The following SCAPER variants were observed in gnomAD, a reference collection of about 807,000 sequenced individuals.
SCAPER encodes S-phase cyclin A associated protein in the ER, also known as S phase cyclin A-associated protein in the endoplasmic reticulum.
SCAPER carries 98 observed loss-of-function variants against 182.2 expected under a neutral mutation model. The ratio of observed to expected loss-of-function variants is 0.54; its 90% CI spans 0.46 to 0.64. SCAPER has a LOEUF of 0.64. Ranked by LOEUF, SCAPER falls within the 30% of genes least tolerant of loss-of-function variation. SCAPER has a pLI of 0.00. For synonymous variants in SCAPER, 605 were observed against 564.6 expected, an observed-to-expected ratio of 1.07 and a Z score of -1.01; for missense variants, 1,432 against 1,690.0, an observed-to-expected ratio of 0.85 and a Z score of 2.68.
intron 26 of SCAPER, among the ~76,000 whole-genome samples, chr15:76,430,308 A>T (rs1176497218): frequency 1.3e-5 from 2 of 152,190 alleles, no homozygotes; most frequent in African/African-American, 4.8e-5. Flanking sequence ...CGCATAGTGG[A>T]GCTGTGAGAA....
chr15:76,563,079 G>T (rs2046767607), intron 23 of SCAPER, among the ~76,000 whole-genome samples: 2 of 152,088 alleles, frequency 1.3e-5, no homozygotes, highest in Admixed American at 6.6e-5. Flanking sequence ...AAAGGAAGTC[G>T]CTTCTTAAAA....
At chr15:76,423,273 A>G (rs978784181) in intron 26 of SCAPER, among the ~76,000 whole-genome samples, 2 of 152,154 alleles carry the variant, frequency 1.3e-5, no homozygotes, top group Admixed American at 1.3e-4. Context: ...TTCGTAGGCT[A>G]TTAATTATTG....
intron 27 of SCAPER, among the ~76,000 whole-genome samples, chr15:76,399,362 T>G (rs1383905119): frequency 6.6e-6 from 1 of 152,126 alleles, no homozygotes; most frequent in Non-Finnish European, 1.5e-5. Flanking sequence ...CGTCTTGAAC[T>G]TCTGACCTCA....
intron 23 of SCAPER, among the ~76,000 whole-genome samples, chr15:76,510,867 G>A (rs1427635273): frequency 5.2e-5 from 2 of 38,526 alleles, no homozygotes; most frequent in African/African-American, 4.5e-4. Flanking sequence ...GTGCGCGCGT[G>A]TGTGTGTGTG....
chr15:76,806,390 A>G (rs1276393663), intron 5 of SCAPER, among the ~76,000 whole-genome samples: 1 of 152,188 alleles, frequency 6.6e-6, no homozygotes, highest in Admixed American at 6.5e-5. Flanking sequence ...AATCTATTTC[A>G]TTGATCCATA....
At chr15:76,865,165 A>T (rs1599173140) in intron 2 of SCAPER, among the ~76,000 whole-genome samples, 1 of 152,146 alleles carries the variant, frequency 6.6e-6, no homozygotes, top group African/African-American at 2.4e-5. Flanking sequence ...TATAAGCCCA[A>T]TTCTCCCAGA....
chr15:76,484,606 TGAG>T (rs2051437995), intron 24 of SCAPER, among the ~76,000 whole-genome samples: 2 of 151,854 alleles, frequency 1.3e-5, no homozygotes. Flanking sequence ...TCCAAAAAAT[TGAG>T]GAGGAGAGAC....
chr15:76,417,403 A>G (rs2045726966), intron 26 of SCAPER, among the ~76,000 whole-genome samples: 1 of 152,222 alleles, frequency 6.6e-6, no homozygotes, highest in Non-Finnish European at 1.5e-5. Context: ...ATAGCAATGG[A>G]GTGAGGGTGA....
chr15:76,379,008 C>A (rs1187926399), intron 28 of SCAPER, among the ~76,000 whole-genome samples: 1 of 152,180 alleles, frequency 6.6e-6, no homozygotes, highest in African/African-American at 2.4e-5. Flanking sequence ...TAAGCCCCAT[C>A]TGAATTCTGA....
intron 20 of SCAPER, among the ~76,000 whole-genome samples, chr15:76,670,003 C>CAT (rs1324372436): frequency 2.6e-5 from 4 of 152,146 alleles, no homozygotes; most frequent in African/African-American, 9.7e-5. Flanking sequence ...TATCAAGAAT[C>CAT]ATATCTTTAT....
chr15:76,466,747 T>C (rs910809314), intron 25 of SCAPER, among the ~76,000 whole-genome samples: 2 of 149,194 alleles, frequency 1.3e-5, no homozygotes, highest in African/African-American at 4.9e-5. Context: ...CTAGGGGTTC[T>C]GGGGGCCTCT....
intron 24 of SCAPER, among the ~76,000 whole-genome samples, chr15:76,492,107 G>A (rs1342326331): frequency 1.3e-5 from 2 of 152,066 alleles, no homozygotes; most frequent in Non-Finnish European, 2.9e-5. Flanking sequence ...TTTATTCTGT[G>A]ATGTATCTAT....
At chr15:76,785,016 C>G (rs1568129872) in intron 8 of SCAPER, among the ~76,000 whole-genome samples, 1 of 152,098 alleles carries the variant, frequency 6.6e-6, no homozygotes, top group Non-Finnish European at 1.5e-5. Flanking sequence ...TAACAAAAGC[C>G]AAAATTGACA....
At chr15:76,871,631 G>A (rs951477769) in intron 2 of SCAPER, among the ~76,000 whole-genome samples, 2 of 146,686 alleles carry the variant, frequency 1.4e-5, no homozygotes, top group African/African-American at 5.1e-5. Context: ...GGAGTGCAGT[G>A]GTGTGACCTC....
At chr15:76,626,607 A>C (rs537357650) in intron 21 of SCAPER, among the ~76,000 whole-genome samples, 1 of 152,262 alleles carries the variant, frequency 6.6e-6, no homozygotes. Flanking sequence ...ATCCCAGCTA[A>C]TTAGGTGGCT....
At chr15:76,547,959 G>C (rs868665187) in intron 23 of SCAPER, among the ~76,000 whole-genome samples, 1 of 151,966 alleles carries the variant, frequency 6.6e-6, no homozygotes, top group Admixed American at 6.6e-5. Flanking sequence ...TGTTTTGATT[G>C]AATCTTACTT....
At chr15:76,744,434 C>A (rs558402923) in intron 15 of SCAPER, among the ~76,000 whole-genome samples, 12 of 151,878 alleles carry the variant, frequency 7.9e-5, no homozygotes, top group African/African-American at 2.2e-4. Context: ...CTTAAATCAA[C>A]AAGCAAAAAA....
At chr15:76,363,530 AGGCCAAATC>A (rs1247967372) in intron 29 of SCAPER, among the ~76,000 whole-genome samples, 1 of 152,226 alleles carries the variant, frequency 6.6e-6, no homozygotes, top group Non-Finnish European at 1.5e-5. Context: ...TCAAAACCTA[AGGCCAAATC>A]GGTTCCATTG....
At chr15:76,562,588 CA>C (rs2046727095) in intron 23 of SCAPER, among the ~76,000 whole-genome samples, 1 of 152,064 alleles carries the variant, frequency 6.6e-6, no homozygotes, top group Non-Finnish European at 1.5e-5. Flanking sequence ...TGTCTACCTA[CA>C]AAAGTAGCAA....
Sources: allele counts gnomAD v4.1 joint callset (sites outside exome capture counted in the v4.1 genomes callset), GRCh38; gene constraint gnomAD v4.1.1; transcripts MANE v1.5; gene names NCBI Gene and HGNC (gene_info 2026-07-23, HGNC 2026-07-21).